PRKD1: variants seen among roughly 807,000 people sequenced by gnomAD.
PRKD1 encodes the protein serine/threonine-protein kinase D1.
PRKD1 carries 63 observed loss-of-function variants against 95.9 expected under a neutral mutation model. The observed-to-expected ratio is 0.66, with a 90% confidence interval of 0.54 to 0.81. The LOEUF (loss-of-function observed/expected upper bound fraction) is 0.81, where lower values mean the gene tolerates loss of function less well. PRKD1 is among the 30% of genes least tolerant of loss of function. PRKD1 has a pLI of 0.00. For missense variants in PRKD1, 1,048 were observed against 1,165.3 expected (o/e 0.90, Z 1.47); for synonymous variants, 425 against 423.1 (o/e 1.00, Z -0.05).
intron 13 of PRKD1, among the ~76,000 whole-genome samples, chr14:29,615,237 A>G (rs568060008): frequency 6.6e-6 from 1 of 152,296 alleles, no homozygotes; most frequent in African/African-American, 2.4e-5. Context: ...TTTATATTCT[A>G]ATGGGTACAT....
chr14:29,584,653 T>C (rs1164393985), intron 16 of PRKD1, among the ~76,000 whole-genome samples: 1 of 152,176 alleles, frequency 6.6e-6, no homozygotes, highest in African/African-American at 2.4e-5. Context: ...TAAATAGAAA[T>C]GTAAATCGCC....
At chr14:29,799,215 G>A (rs1889930496) in intron 1 of PRKD1, among the ~76,000 whole-genome samples, 1 of 152,184 alleles carries the variant, frequency 6.6e-6, no homozygotes, top group Non-Finnish European at 1.5e-5. Context: ...TCATTAAAAG[G>A]TGAAAACCTC....
chr14:29,850,756 G>A (rs1892277196), intron 1 of PRKD1, among the ~76,000 whole-genome samples: 2 of 151,708 alleles, frequency 1.3e-5, no homozygotes, highest in Admixed American at 6.6e-5. Context: ...CTGAAAAAGA[G>A]CCCAAATAGC....
intron 1 of PRKD1, among the ~76,000 whole-genome samples, chr14:29,882,687 ACTTT>A (rs1183221158): frequency 6.6e-6 from 1 of 152,174 alleles, no homozygotes; most frequent in Non-Finnish European, 1.5e-5. Flanking sequence ...CTGCCATTCT[ACTTT>A]CTGTTTCTCT....
intron 1 of PRKD1, among the ~76,000 whole-genome samples, chr14:29,856,158 G>A (rs1235184717): frequency 6.6e-6 from 1 of 152,088 alleles, no homozygotes; most frequent in Non-Finnish European, 1.5e-5. Flanking sequence ...AGTTGAATGG[G>A]CCAATTGGAA....
At chr14:29,616,267 C>CA (rs1878850972) in intron 13 of PRKD1, among the ~76,000 whole-genome samples, 1 of 32,024 alleles carries the variant, frequency 3.1e-5, no homozygotes. Flanking sequence ...AAAAAAAAAG[C>CA]CATGTATTGC....
intron 1 of PRKD1, among the ~76,000 whole-genome samples, chr14:29,799,847 C>T (rs1270602095): frequency 6.6e-6 from 1 of 152,228 alleles, no homozygotes; most frequent in Non-Finnish European, 1.5e-5. Flanking sequence ...CCAGCTTACA[C>T]TGCCTTCTTG....
At chr14:29,869,134 C>G (rs1423740497) in intron 1 of PRKD1, among the ~76,000 whole-genome samples, 1 of 152,046 alleles carries the variant, frequency 6.6e-6, no homozygotes, top group Non-Finnish European at 1.5e-5. Flanking sequence ...AAACTAGATC[C>G]AGCTCTTACT....
At position 29,925,611 on chromosome 14, in the gene PRKD1, C is replaced by G. The variant is rs368300223; in HGVS notation, c.264+1638G>C. ...CTACCAAACCTCTTGAACTAGGCAT[C>G]AGTCTCCCCATTCTGAACTCCAGGA... On this transcript the variant is annotated intron_variant, in intron 1 of 17. Transcript: ENST00000331968. 2.4e-3 allele frequency among the ~76,000 whole-genome samples: 362 copies of G among 152,262 alleles called. 1 individual carries two copies. The highest frequency in any genetic ancestry group is 5.4e-3 in the Admixed American group (82 of 15,286).
intron 1 of PRKD1, among the ~76,000 whole-genome samples, chr14:29,811,711 T>C (rs149237110): frequency 4.4e-4 from 67 of 152,284 alleles, no homozygotes; most frequent in Non-Finnish European, 8.5e-4. Context: ...AAGCCAGAAG[T>C]GGACAACAGC....
chr14:29,782,781 C>T (rs1889106873), intron 1 of PRKD1, among the ~76,000 whole-genome samples: 2 of 152,072 alleles, frequency 1.3e-5, no homozygotes, highest in Non-Finnish European at 2.9e-5. Context: ...CCAGGCTCAA[C>T]TAATCCGCCG....
At chr14:29,675,888 C>G (rs1883146728) in intron 2 of PRKD1, among the ~76,000 whole-genome samples, 1 of 148,856 alleles carries the variant, frequency 6.7e-6, no homozygotes, top group Non-Finnish European at 1.5e-5. Context: ...GACAAAAACA[C>G]AAACACCGCA....
At chr14:29,878,521 T>G (rs1008757378) in intron 1 of PRKD1, among the ~76,000 whole-genome samples, 22 of 152,096 alleles carry the variant, frequency 1.4e-4, no homozygotes, top group Admixed American at 1.3e-3. Context: ...TGTTCACAGA[T>G]GAACATATAA....
intron 13 of PRKD1, among the ~76,000 whole-genome samples, chr14:29,608,161 C>T (rs570673276): frequency 2.6e-5 from 4 of 152,198 alleles, no homozygotes; most frequent in East Asian, 3.9e-4. Context: ...TTTTTCACAC[C>T]TTGCTTTTTT....
At chr14:29,635,673 T>A (rs550025908) in intron 7 of PRKD1, among the ~76,000 whole-genome samples, 3 of 152,176 alleles carry the variant, frequency 2.0e-5, no homozygotes, top group African/African-American at 7.2e-5. Flanking sequence ...TTTACCAATA[T>A]AGTGCAAAAG....
chr14:29,781,101 G>C (rs1332447586), intron 1 of PRKD1, among the ~76,000 whole-genome samples: 1 of 136,610 alleles, frequency 7.3e-6, no homozygotes, highest in East Asian at 2.3e-4. Context: ...AGAACACTTG[G>C]ACACAGGAAG....
chr14:29,648,844 C>T lies in PRKD1; in HGVS notation c.697-9940G>A, dbSNP rs531283495. On this transcript the variant is annotated intron_variant, in intron 4 of 17. Coordinates refer to ENST00000331968, the MANE Select transcript of PRKD1 (RefSeq NM_002742.3). The stretch of plus-strand genomic sequence containing the variant: ...TAATTTTTTGTATTTTTAGTAGAGA[C>T]GGGGTTTCACCGTGTTAGCCAGGAT... Among the ~76,000 whole-genome samples the T allele has an allele frequency of 1.2e-4, 18 of 152,102 alleles. No homozygotes were observed. The South Asian group carries it at 1.5e-3, about 12-fold the overall frequency.
intron 13 of PRKD1, among the ~76,000 whole-genome samples, chr14:29,622,325 A>G (rs1879319577): frequency 6.6e-6 from 1 of 152,016 alleles, no homozygotes; most frequent in Non-Finnish European, 1.5e-5. Flanking sequence ...CTGTTTTAGA[A>G]GAGGAATAGG....
intron 1 of PRKD1, among the ~76,000 whole-genome samples, chr14:29,900,438 T>C (rs996587106): frequency 6.6e-6 from 1 of 152,068 alleles, no homozygotes; most frequent in African/African-American, 2.4e-5. Context: ...GTAAAGCATA[T>C]CACTAAGTCC....
Sources: gnomAD v4.1 joint callset for allele counts (sites outside exome capture counted in the v4.1 genomes callset) on GRCh38, gnomAD v4.1.1 for gene constraint, MANE v1.5 for transcripts, NCBI Gene and HGNC (gene_info 2026-07-23, HGNC 2026-07-21) for gene names.